The following OPCML variants were observed in gnomAD, a reference collection of about 807,000 sequenced individuals.
OPCML encodes the protein opioid-binding protein/cell adhesion molecule.
A neutral mutation model predicts 37.8 loss-of-function variants in OPCML; 13 were observed. The observed-to-expected ratio is 0.34, with a 90% confidence interval of 0.22 to 0.55. OPCML has a LOEUF of 0.55. Among genes scored for constraint, OPCML ranks in the 20% least tolerant of loss-of-function variants. The pLI is 0.91. For synonymous variants in OPCML, 176 were observed against 168.8 expected (o/e 1.04, Z -0.33); for missense variants, 341 against 435.6 (o/e 0.78, Z 1.93).
rs527826995 is a variant in OPCML, at chr11:132,540,450, C to G, written c.380-11264G>C. 1.4e-3 allele frequency among the ~76,000 whole-genome samples: 213 copies of G among 152,238 alleles called. 1 individual carries two copies. The highest frequency in any genetic ancestry group is 2.5e-3 in the Non-Finnish European group (173 of 68,022). Reference sequence around the variant, plus strand: ...ACCTCTCAGGATCCAGTGGGGCAGCCAGCAAATTGGAACTAGGTGAGTTGT... The same window carrying G: ...ACCTCTCAGGATCCAGTGGGGCAGCGAGCAAATTGGAACTAGGTGAGTTGT... On this transcript the variant is annotated intron_variant, in intron 3 of 7. Transcript: ENST00000524381.
At chr11:132,519,001 A>C (rs2096286330) in intron 4 of OPCML, among the ~76,000 whole-genome samples, 1 of 152,148 alleles carries the variant, frequency 6.6e-6, no homozygotes, top group Non-Finnish European at 1.5e-5. Context: ...TCTCATATTT[A>C]TTCTCTAAAA....
intron 1 of OPCML, among the ~76,000 whole-genome samples, chr11:133,390,264 C>T (rs910040481): frequency 2.0e-5 from 3 of 152,132 alleles, no homozygotes; most frequent in African/African-American, 7.2e-5. Flanking sequence ...TCGAGACCAT[C>T]CTGGCTAATA....
intron 1 of OPCML, among the ~76,000 whole-genome samples, chr11:133,350,053 T>C (rs1944096217): frequency 6.6e-6 from 1 of 152,204 alleles, no homozygotes; most frequent in Non-Finnish European, 1.5e-5. Context: ...TCCTTTTAAT[T>C]CCACGATGGT....
chr11:132,629,035 C>T (rs1939921139), intron 3 of OPCML, among the ~76,000 whole-genome samples: 1 of 152,032 alleles, frequency 6.6e-6, no homozygotes, highest in Non-Finnish European at 1.5e-5. Context: ...TCACTTTCAC[C>T]CCAGAGCCCA....
At chr11:132,875,715 G>A (rs188431617) in intron 2 of OPCML, among the ~76,000 whole-genome samples, 552 of 152,052 alleles carry the variant, frequency 3.6e-3, no homozygotes, top group African/African-American at 0.013. Context: ...CACCCGCCTC[G>A]GCCTCCCAAA....
chr11:133,304,894 A>T (rs1401854245), intron 1 of OPCML, among the ~76,000 whole-genome samples: 1 of 152,220 alleles, frequency 6.6e-6, no homozygotes, highest in Non-Finnish European at 1.5e-5. Flanking sequence ...AGTAAAATTC[A>T]TTCACAACAA....
At chr11:132,992,399 T>C (rs1302419170) in intron 1 of OPCML, among the ~76,000 whole-genome samples, 1 of 152,208 alleles carries the variant, frequency 6.6e-6, no homozygotes, top group African/African-American at 2.4e-5. Context: ...ATTGCAATAA[T>C]ATCTGTCTCC....
intron 2 of OPCML, among the ~76,000 whole-genome samples, chr11:132,701,762 TTGTGTGTGTGTGTG>T (rs34453558): frequency 1.4e-5 from 2 of 142,718 alleles, no homozygotes; most frequent in Non-Finnish European, 3.0e-5. Context: ...AATTTGATGA[TTGTGTGTGTGTGTG>T]TGTGTGTGTG....
At chr11:132,961,052 G>A (rs1301897988) in intron 1 of OPCML, among the ~76,000 whole-genome samples, 1 of 152,192 alleles carries the variant, frequency 6.6e-6, no homozygotes, top group African/African-American at 2.4e-5. Flanking sequence ...GGGCATGAGT[G>A]ACTTTCTTCT....
chr11:132,680,563 T>C (rs1428773633), intron 2 of OPCML, among the ~76,000 whole-genome samples: 1 of 152,178 alleles, frequency 6.6e-6, no homozygotes, highest in African/African-American at 2.4e-5. Flanking sequence ...CGCAGTCAAG[T>C]AAGAAGATGA....
At chr11:133,112,038 A>C (rs528159668) in intron 1 of OPCML, among the ~76,000 whole-genome samples, 125 of 152,254 alleles carry the variant, frequency 8.2e-4, no homozygotes, top group Non-Finnish European at 1.3e-3. Flanking sequence ...ATCCACCTTC[A>C]CGCTGGTTCT....
At chr11:133,313,973 C>A (rs975514496) in intron 1 of OPCML, among the ~76,000 whole-genome samples, 1 of 152,058 alleles carries the variant, frequency 6.6e-6, no homozygotes, top group African/African-American at 2.4e-5. Context: ...CAGTGGCTCA[C>A]GCCTGTAATC....
At chr11:133,063,315 CCTT>C (rs1343170088) in intron 1 of OPCML, among the ~76,000 whole-genome samples, 1 of 152,110 alleles carries the variant, frequency 6.6e-6, no homozygotes, top group African/African-American at 2.4e-5. Flanking sequence ...CCTCCTGTCT[CCTT>C]CTTAAACCCA....
chr11:133,107,780 AC>A (rs1235838412), intron 1 of OPCML, among the ~76,000 whole-genome samples: 4 of 151,634 alleles, frequency 2.6e-5, no homozygotes, highest in African/African-American at 9.7e-5. Flanking sequence ...CTCTCTTGAC[AC>A]TGAAGATTGG....
intron 1 of OPCML, among the ~76,000 whole-genome samples, chr11:133,078,535 A>G (rs528839922): frequency 6.6e-6 from 1 of 152,310 alleles, no homozygotes; most frequent in East Asian, 1.9e-4. Flanking sequence ...AGGAAATAAT[A>G]ATATAAAAGG....
intron 1 of OPCML, among the ~76,000 whole-genome samples, chr11:133,327,990 T>C (rs1161416925): frequency 6.6e-6 from 1 of 152,160 alleles, no homozygotes; most frequent in Non-Finnish European, 1.5e-5. Context: ...TTAGATATTC[T>C]TCAGTTTCCG....
chr11:132,623,516 C>G (rs567277834), intron 3 of OPCML, among the ~76,000 whole-genome samples: 1 of 152,254 alleles, frequency 6.6e-6, no homozygotes, highest in East Asian at 1.9e-4. Context: ...CTTCCATTTT[C>G]TAATTGTTCA....
At chr11:133,153,286 G>A (rs1206228406) in intron 1 of OPCML, among the ~76,000 whole-genome samples, 1 of 151,618 alleles carries the variant, frequency 6.6e-6, no homozygotes, top group Non-Finnish European at 1.5e-5. Context: ...TGAACCACGG[G>A]GAGGGCTTAT....
At position 132,770,766 on chromosome 11, in the gene OPCML, C is replaced by G. The variant is rs567860360; in HGVS notation, c.147-113447G>C. On this transcript the variant is annotated intron_variant, in intron 2 of 7. Transcript: ENST00000524381. ...CGGGCAGCTGGAATTGAACTGGCAA[C>G]TGCAGAAAGAAGCCTGTGGCAAAAA... is the stretch of plus-strand genomic sequence containing the variant. Among the ~76,000 whole-genome samples, 3 of 152,242 alleles carry G rather than the reference C, an allele frequency of 2.0e-5. No homozygotes were observed. In the East Asian group the frequency reaches 5.8e-4, roughly 29 times the overall value.
Sources: gnomAD v4.1 joint callset for allele counts (sites outside exome capture counted in the v4.1 genomes callset) on GRCh38, gnomAD v4.1.1 for gene constraint, MANE v1.5 for transcripts, NCBI Gene and HGNC (gene_info 2026-07-23, HGNC 2026-07-21) for gene names.